UCHL3: variants seen among roughly 807,000 people sequenced by gnomAD.
UCHL3 encodes ubiquitin C-terminal hydrolase L3.
A neutral mutation model predicts 35.8 loss-of-function variants in UCHL3; 22 were observed. The observed-to-expected ratio is 0.61, with a 90% CI of 0.44 to 0.88. The LOEUF (loss-of-function observed/expected upper bound fraction) is 0.88. Among genes scored for constraint, UCHL3 ranks in the 40% least tolerant of loss-of-function variants. UCHL3 has a pLI of 0.00. For missense variants in UCHL3, 229 were observed against 276.9 expected, an observed-to-expected ratio of 0.83 and a Z score of 1.23; for synonymous variants, 90 against 92.8, an observed-to-expected ratio of 0.97 and a Z score of 0.17.
intron 7 of UCHL3, among the ~76,000 whole-genome samples, chr13:75,595,616 A>AAAC (rs1237495107): frequency 6.8e-6 from 1 of 148,020 alleles, no homozygotes. Flanking sequence ...AAAAAAAAAA[A>AAAC]AAAAAAAAAA....
chr13:75,572,880 C>T (rs1323567880), intron 6 of UCHL3, among the ~76,000 whole-genome samples: 2 of 152,152 alleles, frequency 1.3e-5, no homozygotes, highest in Non-Finnish European at 2.9e-5. Context: ...GCTGAGAGAA[C>T]AAAAATCTGT....
upstream of UCHL3, chr13:75,549,512 G>A (rs367633793): frequency 5.4e-6 from 2 of 368,668 alleles, no homozygotes; most frequent in East Asian, 4.1e-5. Context: ...GCTCGGCAAG[G>A]CTCGGCTCGG....
chr13:75,585,297 G>T (rs75375758), intron 6 of UCHL3, among the ~76,000 whole-genome samples: 4,433 of 152,184 alleles, frequency 0.029, 80 homozygotes, highest in African/African-American at 0.042. Flanking sequence ...AATGGAAAAT[G>T]TTCAAGGCAG....
intron 6 of UCHL3, among the ~76,000 whole-genome samples, chr13:75,587,166 T>TTTAAAAGGAA (rs1715333030): frequency 6.6e-6 from 1 of 151,994 alleles, no homozygotes; most frequent in Non-Finnish European, 1.5e-5. Context: ...AAGGGAATAT[T>TTTAAAAGGAA]GTTTAAAAAG....
chr13:75,569,272 A>T (rs1349269245), intron 5 of UCHL3, 188 bp from the exon 6 acceptor site: 2 of 427,514 alleles, frequency 4.7e-6, no homozygotes, highest in Non-Finnish European at 8.2e-6. Context: ...TACGGGTTAC[A>T]CAGTACAGCA....
intron 5 of UCHL3, among the ~76,000 whole-genome samples, chr13:75,568,232 AG>A (rs993876191): frequency 2.6e-5 from 4 of 152,184 alleles, no homozygotes; most frequent in African/African-American, 9.6e-5. Context: ...CTTTGAAATT[AG>A]GCGTATAATC....
intron 6 of UCHL3, chr13:75,590,096 C>T (rs553853730): frequency 7.7e-7 from 1 of 1,304,224 alleles, no homozygotes; most frequent in South Asian, 1.2e-5. Flanking sequence ...GGCGACCCTT[C>T]TTACGTCTAC....
At chr13:75,583,076 T>C (rs531343093) in intron 6 of UCHL3, among the ~76,000 whole-genome samples, 12 of 152,260 alleles carry the variant, frequency 7.9e-5, no homozygotes, top group African/African-American at 2.9e-4. Flanking sequence ...TAAGTCTGAC[T>C]AGAGTAAAAA....
upstream of UCHL3, chr13:75,549,786 C>G (rs765711293): frequency 1.6e-5 from 23 of 1,467,354 alleles, no homozygotes; most frequent in Non-Finnish European, 2.0e-5. Flanking sequence ...GCGAAGGCGG[C>G]GGCTGTCAGA....
At chr13:75,590,424 G>A (rs1050932077) in intron 6 of UCHL3, among the ~76,000 whole-genome samples, 3 of 152,154 alleles carry the variant, frequency 2.0e-5, no homozygotes, top group Non-Finnish European at 2.9e-5. Flanking sequence ...AATTGTTAAA[G>A]TGAATATGTG....
intron 7 of UCHL3, among the ~76,000 whole-genome samples, chr13:75,599,767 T>A (rs1315979187): frequency 5.9e-5 from 9 of 152,154 alleles, no homozygotes. Context: ...AATATTGAAA[T>A]GAGGCCAGAT....
chr13:75,575,411 G>C (rs913916143), intron 6 of UCHL3, among the ~76,000 whole-genome samples: 1 of 152,208 alleles, frequency 6.6e-6, no homozygotes, highest in African/African-American at 2.4e-5. Flanking sequence ...TAAATTATTA[G>C]TGGCAGAGAG....
intron 8 of UCHL3, 90 bp downstream of exon 8, chr13:75,604,917 AT>A (rs1268537143): frequency 5.4e-6 from 6 of 1,107,844 alleles, no homozygotes; most frequent in South Asian, 2.0e-5. Context: ...TTTTCTTTGT[AT>A]TTGGATACTT....
chr13:75,575,252 G>A (rs1320511450), intron 6 of UCHL3, among the ~76,000 whole-genome samples: 3 of 152,148 alleles, frequency 2.0e-5, no homozygotes, highest in African/African-American at 7.2e-5. Flanking sequence ...CACCGTGATT[G>A]TCTGGTAGAT....
At chr13:75,596,582 A>G (rs1178969569) in intron 7 of UCHL3, among the ~76,000 whole-genome samples, 1 of 152,242 alleles carries the variant, frequency 6.6e-6, no homozygotes, top group Non-Finnish European at 1.5e-5. Flanking sequence ...AAACATATGT[A>G]GGATTCATAA....
Position 75,560,893 on chromosome 13 carries a change from G to A in UCHL3, c.183+12G>A, listed in dbSNP as rs550048076. 8.5e-5 allele frequency: 127 copies of A among 1,490,370 alleles called. No individual in the cohort carries two copies. In the South Asian group the frequency reaches 1.6e-3, roughly 19 times the overall value. The allele number at this position is 1,490,370 out of a possible 1,614,324, so 92.3% of individuals were successfully genotyped here. A position where few individuals can be genotyped will look rare whatever the true frequency, so the allele number is the denominator to read the frequency against. Reference sequence around the variant, plus strand: ...CTATTACAGAAAAGGTAATTGTTATGTAAAATAGAAAGTTTCTGGTAAATA... The same window carrying A: ...CTATTACAGAAAAGGTAATTGTTATATAAAATAGAAAGTTTCTGGTAAATA... On this transcript the variant is annotated intron_variant, in intron 3 of 8. Coordinates refer to ENST00000377595, the MANE Select transcript of UCHL3 (RefSeq NM_006002.5).
chr13:75,550,208 C>G (rs931747145), intron 2 of UCHL3, among the ~76,000 whole-genome samples: 1 of 152,202 alleles, frequency 6.6e-6, no homozygotes, highest in African/African-American at 2.4e-5. Flanking sequence ...TCCCATTCTG[C>G]AGTCACCACG....
chr13:75,582,495 G>A (rs1156672882), intron 6 of UCHL3, among the ~76,000 whole-genome samples: 7 of 152,248 alleles, frequency 4.6e-5, no homozygotes, highest in South Asian at 2.1e-4. Flanking sequence ...CATTGGTGTC[G>A]TTAATAGTTT....
chr13:75,589,871 C>A, intron 6 of UCHL3: 1 of 1,186,688 alleles, frequency 8.4e-7, no homozygotes, highest in South Asian at 1.5e-5. Context: ...CCATACGTTG[C>A]TTTTAAGAAT....
Sources: gnomAD v4.1 joint callset for allele counts (sites outside exome capture counted in the v4.1 genomes callset) on GRCh38, gnomAD v4.1.1 for gene constraint, MANE v1.5 for transcripts, NCBI Gene and HGNC (gene_info 2026-07-23, HGNC 2026-07-21) for gene names.